Variants in NUP98 observed in about 807,000 individuals in gnomAD.
The protein encoded by NUP98 is nucleoporin 98 and 96 precursor.
Under a neutral mutation model 191.9 loss-of-function variants are expected in NUP98, and 26 were observed. The ratio of observed to expected loss-of-function variants is 0.14; its 90% CI spans 0.10 to 0.19. NUP98 has a LOEUF of 0.19. Among genes scored for constraint, NUP98 ranks in the 10% least tolerant of loss-of-function variants. NUP98 has a pLI of 1.00. For synonymous variants in NUP98, 808 were observed against 778.4 expected (o/e 1.04, Z -0.63); for missense variants, 1,941 against 2,178.8 (o/e 0.89, Z 2.17).
rs532861619 is a variant in NUP98 at position 3,707,801 on chromosome 11, T to G, written c.2743-1174A>C. ...TGGTAATGACACCCAGGGCTCCCACTTAAATTTTAAGAACAGTGGCTGGTC... is the reference window on the plus strand; with the variant it reads ...TGGTAATGACACCCAGGGCTCCCACGTAAATTTTAAGAACAGTGGCTGGTC... On this transcript the variant is annotated intron_variant, in intron 20 of 32. Coordinates refer to ENST00000324932, the MANE Select transcript of NUP98 (RefSeq NM_016320.5). Among the ~76,000 whole-genome samples, 7 of 143,778 alleles carry G rather than the reference T, an allele frequency of 4.9e-5. No individual in the cohort carries two copies. The East Asian group carries it at 1.5e-3, about 32-fold the overall frequency. 94.3% of individuals were successfully genotyped at this position (143,778 alleles called of 152,430 possible).
At chr11:3,706,068 T>C (rs2078850164) in intron 21 of NUP98, among the ~76,000 whole-genome samples, 2 of 148,604 alleles carry the variant, frequency 1.3e-5, no homozygotes, top group South Asian at 2.1e-4. Flanking sequence ...ACACAGGAGG[T>C]TGGGGCAGGG....
In NUP98 at chr11:3,675,805, C is replaced by T; in HGVS notation, c.*354G>A. ...AAGGGCCAGGGTAGGAGTAGGGAAGCTGGTTGGCATGGAGGGTCACAAGAT... is the reference window on the plus strand; with the variant it reads ...AAGGGCCAGGGTAGGAGTAGGGAAGTTGGTTGGCATGGAGGGTCACAAGAT... On this transcript the variant is annotated 3_prime_UTR_variant, in exon 33 of 33. Coordinates refer to ENST00000324932, the MANE Select transcript of NUP98 (RefSeq NM_016320.5). The T allele has an allele frequency of 2.6e-6, 1 of 391,426 alleles. No individual in the cohort carries two copies. 24.2% of individuals were successfully genotyped at this position (391,426 alleles called of 1,614,324 possible).
intron 8 of NUP98, among the ~76,000 whole-genome samples, chr11:3,763,928 TTAA>T (rs2081257036): frequency 6.6e-6 from 1 of 152,224 alleles, no homozygotes; most frequent in Admixed American, 6.5e-5. Context: ...TACTTATGCA[TTAA>T]TAAAGGAAAA....
At chr11:3,797,092 C>T (rs1343339293) in intron 1 of NUP98, among the ~76,000 whole-genome samples, 1 of 152,234 alleles carries the variant, frequency 6.6e-6, no homozygotes, top group African/African-American at 2.4e-5. Context: ...GCCAGCCCAC[C>T]GTGGGGTCCT....
intron 11 of NUP98, among the ~76,000 whole-genome samples, chr11:3,750,454 G>C (rs1334928557): frequency 6.6e-6 from 1 of 152,116 alleles, no homozygotes; most frequent in East Asian, 1.9e-4. Flanking sequence ...AGAAAAACTG[G>C]TATTATGTGA....
At chr11:3,755,379 G>C (rs1049735673) in intron 10 of NUP98, among the ~76,000 whole-genome samples, 1 of 151,618 alleles carries the variant, frequency 6.6e-6, no homozygotes, top group African/African-American at 2.4e-5. Flanking sequence ...CAGGAAGATC[G>C]CTTGAACCAA....
intron 9 of NUP98, among the ~76,000 whole-genome samples, chr11:3,762,659 C>G (rs768769647): frequency 1.3e-5 from 2 of 152,166 alleles, no homozygotes; most frequent in Non-Finnish European, 2.9e-5. Context: ...GTATGATGCA[C>G]ATAAGCACTG....
chr11:3,697,875 T>G (rs771784559), intron 25 of NUP98, among the ~76,000 whole-genome samples: 1 of 149,866 alleles, frequency 6.7e-6, no homozygotes, highest in Non-Finnish European at 1.5e-5. Flanking sequence ...ATTAAGTACT[T>G]GCTGAATTGC....
At chr11:3,676,994 C>T (rs1042958267) in intron 31 of NUP98, among the ~76,000 whole-genome samples, 1 of 152,188 alleles carries the variant, frequency 6.6e-6, no homozygotes, top group Non-Finnish European at 1.5e-5. Context: ...TTTAGGTCCC[C>T]TGACTCCAAG....
intron 5 of NUP98, among the ~76,000 whole-genome samples, chr11:3,774,664 C>A (rs1429933419): frequency 1.3e-5 from 2 of 151,990 alleles, no homozygotes; most frequent in Non-Finnish European, 2.9e-5. Context: ...TTGCAGTGAG[C>A]CAAGATTGCA....
chr11:3,720,990 G>GTGTC (rs1554891518), intron 16 of NUP98, 165 bp from the exon 17 acceptor site: 2 of 480,626 alleles, frequency 4.2e-6, no homozygotes, highest in Admixed American at 3.6e-5. Context: ...GTGTGTGTGT[G>GTGTC]TGTGTGTGTG....
Position 3,675,227 on chromosome 11 carries a change from C to T in NUP98, c.*932G>A. The T allele has an allele frequency of 4.6e-6, 1 of 217,146 alleles. No homozygotes were observed. The highest frequency in any genetic ancestry group is 5.8e-5 in the Admixed American group (1 of 17,158). 13.5% of individuals were successfully genotyped at this position (217,146 alleles called of 1,614,324 possible). ...ACCTGGGGCTCCCTATAGCTGTCAGCAGTGTAGCAAAGGCCCTCTGCCTGC... is the reference window on the plus strand; with the variant it reads ...ACCTGGGGCTCCCTATAGCTGTCAGTAGTGTAGCAAAGGCCCTCTGCCTGC... On this transcript the variant is annotated 3_prime_UTR_variant, in exon 33 of 33. Transcript: ENST00000324932.
In NUP98 at chr11:3,713,946, G is replaced by C. The variant is rs759505682; in HGVS notation, c.2449C>G (p.Arg817Gly). ...CGATCTGGGCTCTTTATTAAACAAC[G>C]AGATGTTTTATCTGTTGGCCAAACT... Reference protein sequence around the residue: ...DGVWPTDKTSRCLIKSPDRLA... With the variant: ...DGVWPTDKTSGCLIKSPDRLA... Residue 817 changes from arginine to glycine, a missense_variant, in exon 19 of 33, where the codon CGT (arginine) becomes GGT (glycine). Arg to Gly is a moderately radical substitution (Grantham distance 125). Coordinates refer to ENST00000324932, the MANE Select transcript of NUP98 (RefSeq NM_016320.5). The C allele has an allele frequency of 6.2e-7, 1 of 1,614,004 alleles. No homozygotes were observed. Among genetic ancestry groups the C allele is most frequent in the Non-Finnish European group, 8.5e-7 (1 of 1,179,980 alleles).
intron 18 of NUP98, among the ~76,000 whole-genome samples, chr11:3,714,356 TAATAAA>T (rs1296280327): frequency 6.6e-6 from 1 of 152,126 alleles, no homozygotes; most frequent in African/African-American, 2.4e-5. Flanking sequence ...TACTAAATAA[TAATAAA>T]AAACAGCTAC....
chr11:3,742,283 G>A (rs995464126), intron 12 of NUP98, among the ~76,000 whole-genome samples: 1 of 152,202 alleles, frequency 6.6e-6, no homozygotes, highest in African/African-American at 2.4e-5. Flanking sequence ...CACTACTTTC[G>A]TAAGTTGTAA....
chr11:3,740,825 T>TATA (rs199991859), intron 12 of NUP98, among the ~76,000 whole-genome samples: 7 of 142,286 alleles, frequency 4.9e-5, no homozygotes, highest in African/African-American at 1.8e-4. Flanking sequence ...TATATATATA[T>TATA]TTTTTTTTTT....
At chr11:3,786,692 C>A (rs886543590) in intron 1 of NUP98, among the ~76,000 whole-genome samples, 9 of 152,308 alleles carry the variant, frequency 5.9e-5, no homozygotes, top group Non-Finnish European at 1.3e-4. Flanking sequence ...CACTGATATA[C>A]TGTTTTACAT....
chr11:3,699,552 G>C (rs12225609), intron 24 of NUP98, among the ~76,000 whole-genome samples: 17,017 of 152,156 alleles, frequency 0.11, 1,573 homozygotes, highest in East Asian at 0.24. Context: ...ATAAATGCTT[G>C]CTCATATCAT....
intron 11 of NUP98, among the ~76,000 whole-genome samples, chr11:3,747,856 G>A (rs532692229): frequency 6.6e-6 from 1 of 152,294 alleles, no homozygotes; most frequent in South Asian, 2.1e-4. Context: ...GTGTTTATAT[G>A]CAAGTCTCAG....
Sources: allele counts gnomAD v4.1 joint callset (sites outside exome capture counted in the v4.1 genomes callset), GRCh38; gene constraint gnomAD v4.1.1; transcripts MANE v1.5; gene names NCBI Gene and HGNC (gene_info 2026-07-23, HGNC 2026-07-21).